Variants in CNTN5 observed in about 807,000 individuals in gnomAD.
CNTN5 encodes the protein contactin 5, also known as contactin-5.
In CNTN5, 77 loss-of-function variants were observed where a neutral mutation model predicts 129.1. The ratio of observed to expected loss-of-function variants is 0.60; its 90% CI spans 0.50 to 0.72. The LOEUF is 0.72. CNTN5 is among the 30% of genes least tolerant of loss of function. The pLI is 0.00. For synonymous variants in CNTN5, 509 were observed against 465.6 expected (o/e 1.09, Z -1.20); for missense variants, 1,478 against 1,328.8 (o/e 1.11, Z -1.75).
In CNTN5 at chr11:100,191,117, A is replaced by C; in HGVS notation, c.1581-9A>C. 4 of 1,575,454 alleles carry C rather than the reference A, an allele frequency of 2.5e-6. No individual in the cohort carries two copies. Among genetic ancestry groups the C allele is most frequent in the Non-Finnish European group, 3.4e-6 (4 of 1,162,854 alleles). ...ACAGAAAAAAAAACTGTTTTTAAAT[A>C]ATTTTCAGAATAGCTATTCTTCCAG... is the stretch of plus-strand genomic sequence containing the variant. On this transcript the variant is annotated splice_polypyrimidine_tract_variant and intron_variant, in intron 13 of 24. Coordinates refer to ENST00000524871, the MANE Select transcript of CNTN5 (RefSeq NM_014361.4).
At chr11:100,036,443 C>T (rs4754661) in intron 9 of CNTN5, among the ~76,000 whole-genome samples, 23,535 of 137,882 alleles carry the variant, frequency 0.17, 489 homozygotes, top group East Asian at 0.34. Flanking sequence ...ATTGACTTGG[C>T]GATGCGGGCT....
At chr11:100,125,147 T>C (rs1946142726) in intron 13 of CNTN5, among the ~76,000 whole-genome samples, 1 of 152,068 alleles carries the variant, frequency 6.6e-6, no homozygotes, top group African/African-American at 2.4e-5. Flanking sequence ...ACTCCATTCA[T>C]CTAGTTTATA....
chr11:99,572,587 T>C (rs897195025), intron 3 of CNTN5, among the ~76,000 whole-genome samples: 4 of 152,136 alleles, frequency 2.6e-5, no homozygotes, highest in Admixed American at 6.5e-5. Flanking sequence ...ACGGAAATGA[T>C]CATTATTTAG....
At chr11:99,454,720 C>A (rs924594149) in intron 2 of CNTN5, among the ~76,000 whole-genome samples, 2 of 152,104 alleles carry the variant, frequency 1.3e-5, no homozygotes, top group African/African-American at 4.8e-5. Context: ...CAGACTAATA[C>A]AGGTAATTAT....
intron 3 of CNTN5, among the ~76,000 whole-genome samples, chr11:99,768,277 A>G (rs2135318766): frequency 6.6e-6 from 1 of 152,278 alleles, no homozygotes; most frequent in Non-Finnish European, 1.5e-5. Flanking sequence ...GTATATGTAC[A>G]CAAATATGCT....
chr11:99,863,179 G>T (rs145976506), intron 6 of CNTN5, among the ~76,000 whole-genome samples: 69 of 152,166 alleles, frequency 4.5e-4, no homozygotes, highest in Non-Finnish European at 8.7e-4. Context: ...TAGAAAATAC[G>T]TGAGTTGCTC....
intron 1 of CNTN5, among the ~76,000 whole-genome samples, chr11:99,067,393 T>A (rs1340348536): frequency 2.7e-5 from 4 of 146,190 alleles, no homozygotes; most frequent in Admixed American, 6.9e-5. Flanking sequence ...AATGGAGACA[T>A]GTGCAAGGGA....
At chr11:99,624,410 G>T (rs635715) in intron 3 of CNTN5, among the ~76,000 whole-genome samples, 92,323 of 151,326 alleles carry the variant, frequency 0.61, 29,006 homozygotes, top group Admixed American at 0.74. Flanking sequence ...TCATTTCTTA[G>T]CTACTGATAA....
intron 1 of CNTN5, among the ~76,000 whole-genome samples, chr11:99,313,395 T>C (rs2135976065): frequency 6.6e-6 from 1 of 152,232 alleles, no homozygotes; most frequent in East Asian, 1.9e-4. Context: ...GAATTTTTAA[T>C]TTTAAGAACA....
chr11:99,778,381 G>C (rs1945198703), intron 3 of CNTN5, among the ~76,000 whole-genome samples: 1 of 151,752 alleles, frequency 6.6e-6, no homozygotes. Context: ...TTTGTGTTTA[G>C]ACTGTATGCT....
chr11:99,438,885 C>T (rs1019698181), intron 2 of CNTN5, among the ~76,000 whole-genome samples: 3 of 152,196 alleles, frequency 2.0e-5, no homozygotes, highest in Non-Finnish European at 2.9e-5. Flanking sequence ...AGCACTTACA[C>T]ACAAAGTCAA....
At chr11:99,835,742 C>G (rs1565585910) in intron 4 of CNTN5, among the ~76,000 whole-genome samples, 1 of 152,176 alleles carries the variant, frequency 6.6e-6, no homozygotes, top group South Asian at 2.1e-4. Flanking sequence ...ATTTAAAAAA[C>G]TGGAGCACTA....
intron 3 of CNTN5, among the ~76,000 whole-genome samples, chr11:99,792,087 T>C (rs530646939): frequency 2.0e-5 from 3 of 152,254 alleles, no homozygotes; most frequent in East Asian, 3.9e-4. Context: ...ATGCGTTTTT[T>C]ATTTTTTTCT....
intron 3 of CNTN5, among the ~76,000 whole-genome samples, chr11:99,812,180 T>A (rs1397977388): frequency 6.6e-6 from 1 of 152,152 alleles, no homozygotes; most frequent in Non-Finnish European, 1.5e-5. Context: ...CAAGAATATA[T>A]ACTTGTGGAG....
chr11:99,809,869 T>C (rs530486922), intron 3 of CNTN5, among the ~76,000 whole-genome samples: 1 of 152,176 alleles, frequency 6.6e-6, no homozygotes, highest in South Asian at 2.1e-4. Context: ...GCTAATATAA[T>C]CATTACAGTT....
intron 2 of CNTN5, among the ~76,000 whole-genome samples, chr11:99,498,446 C>G (rs1353835669): frequency 6.6e-6 from 1 of 152,078 alleles, no homozygotes; most frequent in Non-Finnish European, 1.5e-5. Context: ...CTAATTCATT[C>G]TACAAAAATC....
chr11:99,145,029 A>C (rs1257938769), intron 1 of CNTN5, among the ~76,000 whole-genome samples: 1 of 151,856 alleles, frequency 6.6e-6, no homozygotes, highest in Non-Finnish European at 1.5e-5. Context: ...CATAACAGTT[A>C]TTTCTTTCAA....
At chr11:99,730,287 G>A (rs1054823982) in intron 3 of CNTN5, among the ~76,000 whole-genome samples, 1 of 152,178 alleles carries the variant, frequency 6.6e-6, no homozygotes, top group Non-Finnish European at 1.5e-5. Context: ...AGAAGAAAGG[G>A]TGTGATAATG....
intron 4 of CNTN5, among the ~76,000 whole-genome samples, chr11:99,821,946 A>G (rs1946815027): frequency 6.6e-6 from 1 of 152,170 alleles, no homozygotes; most frequent in Admixed American, 6.6e-5. Flanking sequence ...TTTCCAAGTA[A>G]TCTTCCATAA....
Sources: gnomAD v4.1 joint callset for allele counts (sites outside exome capture counted in the v4.1 genomes callset) on GRCh38, gnomAD v4.1.1 for gene constraint, MANE v1.5 for transcripts, NCBI Gene and HGNC (gene_info 2026-07-23, HGNC 2026-07-21) for gene names.